Variants in STYK1 observed in about 807,000 individuals in gnomAD.
The protein encoded by STYK1 is tyrosine-protein kinase STYK1.
In STYK1, 46 loss-of-function variants were observed where a neutral mutation model predicts 48.1. The observed-to-expected ratio is 0.96, with a 90% CI of 0.75 to 1.22. STYK1 has a LOEUF of 1.22. Among genes scored for constraint, STYK1 ranks in the 50% most tolerant of loss-of-function variants. The pLI is 0.00. For synonymous variants in STYK1, 188 were observed against 189.0 expected (o/e 0.99, Z 0.04); for missense variants, 527 against 521.1 (o/e 1.01, Z -0.11).
At chr12:10,670,723 T>C (rs1947882180) in intron 1 of STYK1, among the ~76,000 whole-genome samples, 1 of 151,648 alleles carries the variant, frequency 6.6e-6, no homozygotes, top group African/African-American at 2.4e-5. Flanking sequence ...GCTAAGACAG[T>C]AGATGTTAAG....
chr12:10,638,798 A>G (rs1947513035), intron 1 of STYK1, among the ~76,000 whole-genome samples: 1 of 152,236 alleles, frequency 6.6e-6, no homozygotes, highest in Non-Finnish European at 1.5e-5. Flanking sequence ...GTGTGATGAA[A>G]AATTCCATGA....
intron 1 of STYK1, among the ~76,000 whole-genome samples, chr12:10,670,765 CTA>C (rs1339489460): frequency 6.6e-6 from 1 of 151,038 alleles, no homozygotes; most frequent in African/African-American, 2.4e-5. Context: ...TGAAATAATA[CTA>C]TGTTAATTAG....
chr12:10,662,487 A>G (rs998083862), intron 1 of STYK1, among the ~76,000 whole-genome samples: 3 of 152,252 alleles, frequency 2.0e-5, no homozygotes, highest in Admixed American at 6.5e-5. Flanking sequence ...GTAATTTATA[A>G]GGAATCCAGT....
In STYK1 at chr12:10,620,010, A is replaced by G; in HGVS notation, c.*134T>C. The G allele has an allele frequency of 1.0e-6, 1 of 997,302 alleles. No homozygotes were observed. Among genetic ancestry groups the G allele is most frequent in the Admixed American group, 2.0e-5 (1 of 50,460 alleles). The allele number at this position is 997,302 out of a possible 1,614,324, so 61.8% of individuals were successfully genotyped here. On this transcript the variant is annotated 3_prime_UTR_variant, in exon 11 of 11. Coordinates refer to ENST00000075503, the MANE Select transcript of STYK1 (RefSeq NM_018423.3). ...CAGCATCATTTCAGATTTCCCGAGA[A>G]ATGTGTAAAGGAAGATCAAGAATCC...
Position 10,619,840 on chromosome 12 carries a change from T to C in STYK1, c.*304A>G, listed in dbSNP as rs1865875995. The C allele has an allele frequency of 2.3e-6, 1 of 433,042 alleles. No individual in the cohort carries two copies. The highest frequency in any genetic ancestry group is 2.0e-5 in the African/African-American group (1 of 50,048). The allele number at this position is 433,042 out of a possible 1,614,324, so 26.8% of individuals were successfully genotyped here. A position where few individuals can be genotyped will look rare whatever the true frequency, so the allele number is the denominator to read the frequency against. The stretch of plus-strand genomic sequence containing the variant: ...TAGCCTCGGACGGGAGGGATGAGCT[T>C]ATTTGTGCCATGCCCCAACAAATAC... On this transcript the variant is annotated 3_prime_UTR_variant, in exon 11 of 11. Transcript: ENST00000075503.
intron 1 of STYK1, among the ~76,000 whole-genome samples, chr12:10,662,625 T>C (rs1947789371): frequency 6.6e-6 from 1 of 152,220 alleles, no homozygotes; most frequent in Admixed American, 6.5e-5. Flanking sequence ...ATGCTGAACA[T>C]CTTTTCATGT....
Position 10,634,468 on chromosome 12 carries a change from C to A in STYK1, c.52+99G>T, listed in dbSNP as rs374304438. On this transcript the variant is annotated intron_variant, in intron 3 of 10. Transcript: ENST00000075503. ...CCTTTTATCACCACTGTCTTCATTT[C>A]TACTGGAAATCAAATCATCCTCCTT... The A allele has an allele frequency of 4.9e-5, 66 of 1,344,126 alleles. 1 individual carries two copies. The highest frequency in any genetic ancestry group is 4.0e-4 in the African/African-American group (28 of 69,914). 83.3% of individuals were successfully genotyped at this position (1,344,126 alleles called of 1,614,324 possible).
At chr12:10,636,488 G>A (rs1947487128) in intron 2 of STYK1, among the ~76,000 whole-genome samples, 2 of 152,148 alleles carry the variant, frequency 1.3e-5, no homozygotes, top group South Asian at 4.1e-4. Flanking sequence ...AAAATGGCAA[G>A]GAGAAATGTG....
chr12:10,636,047 T>C (rs566694235), intron 2 of STYK1, among the ~76,000 whole-genome samples: 3 of 152,238 alleles, frequency 2.0e-5, no homozygotes, highest in Non-Finnish European at 4.4e-5. Context: ...GAAGTATAGC[T>C]TATATAATAT....
chr12:10,629,721 G>C lies in STYK1; in HGVS notation c.452-47C>G, dbSNP rs139297215. 734 of 1,609,128 alleles carry C rather than the reference G, an allele frequency of 4.6e-4. 12 individuals carry two copies. In the East Asian group the frequency reaches 0.014, roughly 31 times the overall value. ...GGCAGTGAGCAGTCAGAGCATCCTCGATGAGTGGGAGGCAGGGAGCAGGAG... is the reference window on the plus strand; with the variant it reads ...GGCAGTGAGCAGTCAGAGCATCCTCCATGAGTGGGAGGCAGGGAGCAGGAG... On this transcript the variant is annotated intron_variant, in intron 5 of 10. Coordinates refer to ENST00000075503, the MANE Select transcript of STYK1 (RefSeq NM_018423.3).
intron 10 of STYK1, 21 bp downstream of exon 10, chr12:10,621,855 A>T (rs368879676): frequency 1.9e-6 from 3 of 1,601,826 alleles, no homozygotes; most frequent in Non-Finnish European, 2.6e-6. Context: ...AAAGAGGAGC[A>T]GGCCTTTAAA....
At chr12:10,651,159 A>G (rs1051749069) in intron 1 of STYK1, among the ~76,000 whole-genome samples, 4 of 152,186 alleles carry the variant, frequency 2.6e-5, no homozygotes, top group Admixed American at 6.5e-5. Flanking sequence ...CTGGAGCCCA[A>G]CAGCCTCCTG....
intron 1 of STYK1, among the ~76,000 whole-genome samples, chr12:10,663,598 C>CAAAAAAAAAA (rs34019110): frequency 1.9e-5 from 1 of 51,486 alleles, no homozygotes; most frequent in African/African-American, 6.8e-5. Flanking sequence ...GACTCTGTCT[C>CAAAAAAAAAA]AAAAAAAAAA....
chr12:10,664,618 C>T (rs1014208862), intron 1 of STYK1, among the ~76,000 whole-genome samples: 4 of 152,080 alleles, frequency 2.6e-5, no homozygotes, highest in South Asian at 2.1e-4. Context: ...CTTTATTGTC[C>T]GTCTGTTTGT....
chr12:10,639,862 C>T (rs1040018756), intron 1 of STYK1, among the ~76,000 whole-genome samples: 1 of 152,200 alleles, frequency 6.6e-6, no homozygotes, highest in South Asian at 2.1e-4. Context: ...GAAGGAATTA[C>T]ATTGGAATCC....
intron 1 of STYK1, among the ~76,000 whole-genome samples, chr12:10,668,439 G>C (rs1479900634): frequency 6.7e-6 from 1 of 149,792 alleles, no homozygotes; most frequent in Non-Finnish European, 1.5e-5. Context: ...GCAGTGGTAC[G>C]ATCTTGGCTC....
chr12:10,636,303 GA>G lies in STYK1; in HGVS notation c.-69+767del, dbSNP rs1947485056. 3.3e-5 allele frequency among the ~76,000 whole-genome samples: 5 copies of G among 152,308 alleles called. No individual in the cohort carries two copies. The South Asian group carries it at 1.0e-3, about 32-fold the overall frequency. ...TAAACAATTCCCTTACGACTCAAGA[GA>G]AACAAAACTGTGCAGTTGGTTGACA... On this transcript the variant is annotated intron_variant, in intron 2 of 10. Coordinates refer to ENST00000075503, the MANE Select transcript of STYK1 (RefSeq NM_018423.3).
At chr12:10,641,245 C>T (rs1201358334) in intron 1 of STYK1, among the ~76,000 whole-genome samples, 1 of 152,156 alleles carries the variant, frequency 6.6e-6, no homozygotes, top group Non-Finnish European at 1.5e-5. Context: ...TCTCCTTTTC[C>T]TACCTGATTA....
At chr12:10,657,117 G>A (rs1430932818) in intron 1 of STYK1, among the ~76,000 whole-genome samples, 1 of 152,162 alleles carries the variant, frequency 6.6e-6, no homozygotes, top group African/African-American at 2.4e-5. Context: ...CATAGGAGGT[G>A]GGCTGATTTC....
Sources: allele counts gnomAD v4.1 joint callset (sites outside exome capture counted in the v4.1 genomes callset), GRCh38; gene constraint gnomAD v4.1.1; transcripts MANE v1.5; gene names NCBI Gene and HGNC (gene_info 2026-07-23, HGNC 2026-07-21).